Variants in CELSR1 observed in about 807,000 individuals in gnomAD.
CELSR1 encodes cadherin EGF LAG seven-pass G-type receptor 1.
In CELSR1, 110 loss-of-function variants were observed where a neutral mutation model predicts 249.1. The observed-to-expected ratio is 0.44, with a 90% CI of 0.38 to 0.52. CELSR1 has a LOEUF of 0.52. CELSR1 is among the 20% of genes least tolerant of loss of function. The pLI, the probability that CELSR1 is intolerant of heterozygous loss-of-function variation, is 0.00. For missense variants in CELSR1, 4,109 were observed against 4,296.4 expected (o/e 0.96, Z 1.22); for synonymous variants, 2,113 against 1,900.0 (o/e 1.11, Z -2.92).
chr22:46,378,757 C>G (rs771435008), intron 22 of CELSR1, 40 bp from the exon 23 acceptor site: 2 of 1,594,726 alleles, frequency 1.3e-6, no homozygotes, highest in Admixed American at 3.4e-5. Context: ...TAAGACGGTT[C>G]CCTCTGCCCA....
rs963996173 is a variant in CELSR1 at position 46,506,973 on chromosome 22, G to C, written c.3544+26654C>G. On this transcript the variant is annotated intron_variant, in intron 1 of 34. Transcript: ENST00000674500. This position sits in a 1 kb window ranked among gnomAD's most constrained non-coding sequence, Gnocchi z 4.1. The stretch of plus-strand genomic sequence containing the variant: ...GCACTTTGGGAGGCCGAGGCGGGTG[G>C]ATCACCTGAGGTCAGGAGCCTGGCC... Among the ~76,000 whole-genome samples, 12 of 152,134 alleles carry C rather than the reference G, an allele frequency of 7.9e-5. No individual in the cohort carries two copies. The highest frequency in any genetic ancestry group is 2.7e-4 in the African/African-American group (11 of 41,424).
chr22:46,381,057 G>A lies in CELSR1; in HGVS notation c.7089-102C>T. On this transcript the variant is annotated intron_variant, in intron 21 of 34. Transcript: ENST00000674500. The surrounding 1 kb of genome is among the most constrained non-coding windows in gnomAD (Gnocchi z 6.0). ...GAGGACACGCCATGATGTGTTTCTAGGGGAGACAGAATCACACTCCGAGAG... is the reference window on the plus strand; with the variant it reads ...GAGGACACGCCATGATGTGTTTCTAAGGGAGACAGAATCACACTCCGAGAG... 1 of 1,254,170 alleles carries A rather than the reference G, an allele frequency of 8.0e-7. No individual in the cohort carries two copies. Among genetic ancestry groups the A allele is most frequent in the South Asian group, 1.4e-5 (1 of 71,168 alleles). 77.7% of individuals were successfully genotyped at this position (1,254,170 alleles called of 1,614,324 possible). A position where few individuals can be genotyped will look rare whatever the true frequency, so the allele number is the denominator to read the frequency against.
chr22:46,440,742 A>C lies in CELSR1; in HGVS notation c.4184-1331T>G, dbSNP rs1157795204. Among the ~76,000 whole-genome samples the C allele has an allele frequency of 6.6e-6, 1 of 152,194 alleles. No homozygotes were observed. The highest frequency in any genetic ancestry group is 1.5e-5 in the Non-Finnish European group (1 of 68,028). ...TGTCATTTTCATGGCAATTTCCCCC[A>C]GCTTAATGTTTAACATTAGGTTTTA... On this transcript the variant is annotated intron_variant, in intron 2 of 34. Coordinates refer to ENST00000674500, the MANE Select transcript of CELSR1 (RefSeq NM_001378328.1). The surrounding 1 kb of genome is among the most constrained non-coding windows in gnomAD (Gnocchi z 4.7).
rs2078723184 is a variant in CELSR1 at position 46,363,068 on chromosome 22, C to T, written c.*155G>A. On this transcript the variant is annotated 3_prime_UTR_variant, in exon 35 of 35. Coordinates refer to ENST00000674500, the MANE Select transcript of CELSR1 (RefSeq NM_001378328.1). The surrounding 1 kb of genome is among the most constrained non-coding windows in gnomAD (Gnocchi z 4.3). Reference sequence around the variant, plus strand: ...TCTGGATGATCAGTCGGGGGGCTGCCACCATGGGGACCGCCACACTCTGGG... The same window carrying T: ...TCTGGATGATCAGTCGGGGGGCTGCTACCATGGGGACCGCCACACTCTGGG... 2.0e-6 allele frequency: 3 copies of T among 1,506,412 alleles called. No homozygotes were observed. Among genetic ancestry groups the T allele is most frequent in the Non-Finnish European group, 2.8e-6 (3 of 1,088,828 alleles). 93.3% of individuals were successfully genotyped at this position (1,506,412 alleles called of 1,614,324 possible).
Position 46,518,310 on chromosome 22 carries a change from G to A in CELSR1, c.3544+15317C>T, listed in dbSNP as rs549341686. ...CTTACTGAGGAGTCAGAGCCTGTGG[G>A]GGCACCATCAGCAGGGGCGCTCAGC... On this transcript the variant is annotated intron_variant, in intron 1 of 34. Coordinates refer to ENST00000674500, the MANE Select transcript of CELSR1 (RefSeq NM_001378328.1). This position sits in a 1 kb window ranked among gnomAD's most constrained non-coding sequence, Gnocchi z 5.2. Among the ~76,000 whole-genome samples, 29 of 152,308 alleles carry A rather than the reference G, an allele frequency of 1.9e-4. No homozygotes were observed. Among genetic ancestry groups the A allele is most frequent in the South Asian group, 1.0e-3 (5 of 4,824 alleles).
intron 1 of CELSR1, among the ~76,000 whole-genome samples, chr22:46,494,324 C>T (rs1219785723): frequency 1.3e-5 from 2 of 152,168 alleles, no homozygotes; most frequent in African/African-American, 4.8e-5. Context: ...ATTTTATTTA[C>T]AGATAAATTT....
At position 46,407,300 on chromosome 22, in the gene CELSR1, T is replaced by G; in HGVS notation, c.5226+1696A>C. On this transcript the variant is annotated intron_variant, in intron 9 of 34. Coordinates refer to ENST00000674500, the MANE Select transcript of CELSR1 (RefSeq NM_001378328.1). The surrounding 1 kb of genome is among the most constrained non-coding windows in gnomAD (Gnocchi z 4.8). ...AGAGATGCACATACACAGACTGACATGCACACACACTTGCACGGAGATATG... is the reference window on the plus strand; with the variant it reads ...AGAGATGCACATACACAGACTGACAGGCACACACACTTGCACGGAGATATG... Among the ~76,000 whole-genome samples the G allele has an allele frequency of 6.6e-6, 1 of 152,090 alleles. No individual in the cohort carries two copies. Among genetic ancestry groups the G allele is most frequent in the East Asian group, 1.9e-4 (1 of 5,188 alleles).
chr22:46,458,632 A>G (rs1014892208), intron 2 of CELSR1, among the ~76,000 whole-genome samples: 17 of 152,268 alleles, frequency 1.1e-4, no homozygotes, highest in African/African-American at 4.1e-4. Context: ...CCTCCAGGGG[A>G]CCAGAGGGAA....
chr22:46,523,307 T>C (rs1186472496), intron 1 of CELSR1, among the ~76,000 whole-genome samples: 1 of 152,136 alleles, frequency 6.6e-6, no homozygotes, highest in Non-Finnish European at 1.5e-5. Context: ...GGCGGACGGT[T>C]CAGCTGAGGT....
At position 46,535,085 on chromosome 22, in the gene CELSR1, G is replaced by A; in HGVS notation, c.2086C>T (p.Leu696=). The change falls in exon 1 of 35, where the codon CTG becomes TTG. Residue 696 remains leucine, a synonymous_variant. Coordinates refer to ENST00000674500, the MANE Select transcript of CELSR1 (RefSeq NM_001378328.1). The stretch of plus-strand genomic sequence containing the variant: ...CTCCCCACGGCCGCATCCTCATTCA[G>A]ACGAAGCTCGTAGGTGGGCTGCGTG... ...VFTQPTYELR[L]NEDAAVGSSV... is the part of the protein sequence containing the mutation. The A allele has an allele frequency of 1.2e-6, 2 of 1,612,358 alleles. No homozygotes were observed. Among genetic ancestry groups the A allele is most frequent in the Non-Finnish European group, 1.7e-6 (2 of 1,179,950 alleles).
chr22:46,486,169 G>C (rs185669418), intron 1 of CELSR1, among the ~76,000 whole-genome samples: 3 of 151,308 alleles, frequency 2.0e-5, no homozygotes, highest in African/African-American at 4.8e-5. Flanking sequence ...TCGATCTCCT[G>C]ACCTCGTGAT....
Position 46,391,705 on chromosome 22 carries a change from G to A in CELSR1, c.6076C>T (p.Pro2026Ser). 1 of 1,611,190 alleles carries A rather than the reference G, an allele frequency of 6.2e-7. No homozygotes were observed. The highest frequency in any genetic ancestry group is 1.7e-5 in the Admixed American group (1 of 59,732). The change falls in exon 15 of 35, where the codon CCC becomes TCC. Residue 2026 changes from proline (P) to serine (S), a missense_variant. Transcript: ENST00000674500. The surrounding 1 kb of genome is among the most constrained non-coding windows in gnomAD (Gnocchi z 4.3). ...DMATGQCACK[P>S]GVIGRQCNRC... Reference sequence around the variant, plus strand: ...TTGCACTGGCGGCCGATGACGCCGGGCTTGCAGGCACACTGCCCGGTGGCC... The same window carrying A: ...TTGCACTGGCGGCCGATGACGCCGGACTTGCAGGCACACTGCCCGGTGGCC...
In CELSR1 at chr22:46,472,177, C is replaced by T. The variant is rs1262147104; in HGVS notation, c.3545-7832G>A. On this transcript the variant is annotated intron_variant, in intron 1 of 34. Coordinates refer to ENST00000674500, the MANE Select transcript of CELSR1 (RefSeq NM_001378328.1). The surrounding 1 kb of genome is among the most constrained non-coding windows in gnomAD (Gnocchi z 7.0). Reference sequence around the variant, plus strand: ...AGGAGACAGAGCAGACGGCAGAGCGCGAGGCTGCGGGGCCCTCCTGGCAGG... The same window carrying T: ...AGGAGACAGAGCAGACGGCAGAGCGTGAGGCTGCGGGGCCCTCCTGGCAGG... Among the ~76,000 whole-genome samples the T allele has an allele frequency of 6.6e-6, 1 of 152,164 alleles. No individual in the cohort carries two copies. Among genetic ancestry groups the T allele is most frequent in the Admixed American group, 6.6e-5 (1 of 15,266 alleles).
chr22:46,442,837 A>G (rs955123487), intron 2 of CELSR1, among the ~76,000 whole-genome samples: 3 of 152,088 alleles, frequency 2.0e-5, no homozygotes, highest in African/African-American at 7.2e-5. Flanking sequence ...CACGCCTGTA[A>G]TCCCAGCATT....
chr22:46,387,996 G>C (rs549475856), intron 18 of CELSR1, among the ~76,000 whole-genome samples: 1 of 152,274 alleles, frequency 6.6e-6, no homozygotes, highest in African/African-American at 2.4e-5. Flanking sequence ...CCCAGGGTCT[G>C]TGTGAAAGAC....
At chr22:46,481,436 A>T (rs1017125102) in intron 1 of CELSR1, 2 of 1,547,790 alleles carry the variant, frequency 1.3e-6, no homozygotes, top group Non-Finnish European at 1.8e-6. Flanking sequence ...TTCTGCTTCA[A>T]CTGAAGCTCC....
chr22:46,447,913 C>T lies in CELSR1; in HGVS notation c.4184-8502G>A, dbSNP rs2079838625. ...GGGATTACAGGTGCGAGCCACCACA[C>T]CCGGCCAGAAAAGCATTCTTAACGG... is the stretch of plus-strand genomic sequence containing the variant. On this transcript the variant is annotated intron_variant, in intron 2 of 34. Transcript: ENST00000674500. This position sits in a 1 kb window ranked among gnomAD's most constrained non-coding sequence, Gnocchi z 4.7. 6.6e-6 allele frequency among the ~76,000 whole-genome samples: 1 copy of T among 152,232 alleles called. No individual in the cohort carries two copies. Among genetic ancestry groups the T allele is most frequent in the Non-Finnish European group, 1.5e-5 (1 of 68,046 alleles).
At position 46,363,325 on chromosome 22, in the gene CELSR1, C is replaced by A; in HGVS notation, c.9036-78G>T. 8.0e-7 allele frequency: 1 copy of A among 1,251,126 alleles called. No individual in the cohort carries two copies. The highest frequency in any genetic ancestry group is 1.1e-6 in the Non-Finnish European group (1 of 877,378). 77.5% of individuals were successfully genotyped at this position (1,251,126 alleles called of 1,614,324 possible). Reference sequence around the variant, plus strand: ...CTTGGTGGGGCCCAAGGTTGTCACACGGGGGGGCAGGATCACCCCATCAGG... The same window carrying A: ...CTTGGTGGGGCCCAAGGTTGTCACAAGGGGGGGCAGGATCACCCCATCAGG... On this transcript the variant is annotated intron_variant, in intron 34 of 34. Coordinates refer to ENST00000674500, the MANE Select transcript of CELSR1 (RefSeq NM_001378328.1). The surrounding 1 kb of genome is among the most constrained non-coding windows in gnomAD (Gnocchi z 4.3).
chr22:46,525,191 A>G (rs1239083544), intron 1 of CELSR1, among the ~76,000 whole-genome samples: 3 of 152,232 alleles, frequency 2.0e-5, no homozygotes, highest in Non-Finnish European at 2.9e-5. Flanking sequence ...GCTCACGCCT[A>G]TAATCCCAAC....
Sources: gnomAD v4.1 joint callset for allele counts (sites outside exome capture counted in the v4.1 genomes callset) on GRCh38, gnomAD v4.1.1 for gene constraint, Gnocchi (gnomAD v3.1) non-coding constraint, MANE v1.5 for transcripts, NCBI Gene and HGNC (gene_info 2026-07-23, HGNC 2026-07-21) for gene names.